OAS2: variants seen among roughly 807,000 people sequenced by gnomAD.
OAS2 encodes the protein 2'-5'-oligoadenylate synthetase 2, also known as 2'-5'-oligoadenylate synthase 2.
A neutral mutation model predicts 71.3 loss-of-function variants in OAS2; 67 were observed. That is an observed-to-expected ratio of 0.94 (90% CI 0.77 to 1.15). OAS2 has a LOEUF of 1.15. OAS2 is among the 50% of genes most tolerant of loss of function. The pLI, the probability that OAS2 is intolerant of heterozygous loss-of-function variation, is 0.00. For synonymous variants in OAS2, 327 were observed against 321.8 expected, an observed-to-expected ratio of 1.02 and a Z score of -0.17; for missense variants, 789 against 822.5, an observed-to-expected ratio of 0.96 and a Z score of 0.50.
chr12:112,978,675 T>C lies in OAS2; in HGVS notation c.67T>C (p.Tyr23His). Residue 23 changes from tyrosine to histidine, a missense_variant, in exon 1 of 10, where the codon TAC (tyrosine) becomes CAC (histidine). By Grantham distance (83) the Tyr-to-His change is moderately conservative. Transcript: ENST00000392583. This position sits in a 1 kb window ranked among gnomAD's most constrained non-coding sequence, Gnocchi z 4.2. ...AQKLGWFIQE[Y>H]LKPYEECQTL... ...GAAGCTGGGTTGGTTTATCCAGGAA[T>C]ACCTGAAGCCCTACGAAGAATGTCA... is the stretch of plus-strand genomic sequence containing the variant. 6.2e-7 allele frequency: 1 copy of C among 1,614,138 alleles called. No individual in the cohort carries two copies.
chr12:112,987,025 T>C lies in OAS2; in HGVS notation c.178-13T>C, dbSNP rs2044143503. 2 of 1,598,676 alleles carry C rather than the reference T, an allele frequency of 1.3e-6. No individual in the cohort carries two copies. The highest frequency in any genetic ancestry group is 1.7e-6 in the Non-Finnish European group (2 of 1,170,200). On this transcript the variant is annotated splice_polypyrimidine_tract_variant and intron_variant, in intron 1 of 9. Transcript: ENST00000392583. ...AATCTAGTGTCTCATATCTGCTTCT[T>C]TGTCACTGGCAGGGTGGCTCCTATG...
Position 112,997,557 on chromosome 12 carries a change from C to A in OAS2, c.665C>A (p.Pro222Gln), listed in dbSNP as rs141277168. The A allele has an allele frequency of 6.2e-7, 1 of 1,614,068 alleles. No individual in the cohort carries two copies. Among genetic ancestry groups the A allele is most frequent in the East Asian group, 2.2e-5 (1 of 44,884 alleles). ...ATCAAGGATTTACCCTCGCTGTCTC[C>A]GTATGCCCTGGAGCTGCTTACGGTG... ...KKIKDLPSLS[P>Q]YALELLTVYA... Residue 222 changes from proline (P) to glutamine (Q), a missense_variant, in exon 4 of 10, where the codon CCG (proline) becomes CAG (glutamine). By Grantham distance (76) the Pro-to-Gln change is moderately conservative. Transcript: ENST00000392583.
rs780230032 is a variant in OAS2 at position 112,987,199 on chromosome 12, G to A, written c.339G>A (p.Trp113Ter). The change falls in exon 2 of 10, where the codon TGG becomes TGA. Residue 113 changes from tryptophan (W) to a stop codon, truncating the protein, a stop_gained. Transcript: ENST00000392583. LOFTEE classifies it high-confidence loss of function. ...TGAAGTTCTGTCTGTTCACGAAGTG[G>A]TTGAAAAACAATTTCGAGATCCAGA... The part of the protein sequence containing the change: ...DKLKFCLFTK[W>*]LKNNFEIQKS... 9.9e-6 allele frequency: 16 copies of A among 1,614,210 alleles called. 1 individual carries two copies. The South Asian group carries it at 1.6e-4, about 17-fold the overall frequency.
At chr12:112,995,532 T>C in intron 3 of OAS2, 58 bp downstream of exon 3, 1 of 1,492,616 alleles carries the variant, frequency 6.7e-7, no homozygotes, top group South Asian at 1.2e-5. Flanking sequence ...TCGAGATAAT[T>C]GACATCCAGT....
intron 2 of OAS2, among the ~76,000 whole-genome samples, chr12:112,994,843 C>G (rs1565993476): frequency 6.6e-6 from 1 of 152,188 alleles, no homozygotes; most frequent in African/African-American, 2.4e-5. Context: ...CCTCAAAGTC[C>G]CTGTACCCTG....
At chr12:113,008,585 T>G (rs2044354400) in intron 9 of OAS2, among the ~76,000 whole-genome samples, 1 of 152,204 alleles carries the variant, frequency 6.6e-6, no homozygotes, top group Non-Finnish European at 1.5e-5. Flanking sequence ...AAAACGCTTT[T>G]GGCAAATACA....
At chr12:112,983,277 G>A (rs892218262) in intron 1 of OAS2, among the ~76,000 whole-genome samples, 4 of 152,116 alleles carry the variant, frequency 2.6e-5, no homozygotes, top group Admixed American at 6.5e-5. Flanking sequence ...CCAAGCTGGA[G>A]TGCAATGACG....
rs184801124 is a variant in OAS2 at position 112,981,208 on chromosome 12, C to A, written c.177+2423C>A. Among the ~76,000 whole-genome samples, 457 of 152,240 alleles carry A rather than the reference C, an allele frequency of 3.0e-3. 1 individual carries two copies. Among genetic ancestry groups the A allele is most frequent in the African/African-American group, 0.01 (434 of 41,536 alleles). On this transcript the variant is annotated intron_variant, in intron 1 of 9. Transcript: ENST00000392583. ...GATTGTTCCCTTTGATGTGCAGAAG[C>A]TTTTTCATTTAATATAGTCCCAATT...
At chr12:112,995,275 C>T (rs774888937) in intron 2 of OAS2, 21 bp from the exon 3 acceptor site, 7 of 1,588,656 alleles carry the variant, frequency 4.4e-6, no homozygotes, top group South Asian at 1.1e-5. Context: ...TAACAACGTT[C>T]CAATTTCTGT....
rs1201943154 is a variant in OAS2, at chr12:113,003,065, G to T, written c.1142G>T (p.Cys381Phe). The part of the protein sequence containing the change: ...NIIRTFLKEN[C>F]FRQSTAKIQI... ...ATCCGTACATTCCTTAAAGAAAACT[G>T]CTTCCGACAATCAACAGCCAAGATC... Residue 381 changes from cysteine to phenylalanine, a missense_variant, in exon 6 of 10, where the codon TGC becomes TTC. Cys to Phe is a radical substitution (Grantham distance 205). Coordinates refer to ENST00000392583, the MANE Select transcript of OAS2 (RefSeq NM_002535.3). The T allele has an allele frequency of 6.2e-7, 1 of 1,614,162 alleles. No homozygotes were observed. The highest frequency in any genetic ancestry group is 1.1e-5 in the South Asian group (1 of 91,072).
At chr12:112,983,585 CT>C (rs1360933150) in intron 1 of OAS2, among the ~76,000 whole-genome samples, 2 of 152,116 alleles carry the variant, frequency 1.3e-5, no homozygotes, top group African/African-American at 2.4e-5. Flanking sequence ...AATTGTTCTA[CT>C]TTTTTTGATG....
At chr12:113,008,923 C>T (rs557359814) in intron 9 of OAS2, among the ~76,000 whole-genome samples, 164 bp from the exon 10 acceptor site, 7 of 152,278 alleles carry the variant, frequency 4.6e-5, no homozygotes, top group Non-Finnish European at 7.4e-5. Flanking sequence ...CCACTGCACG[C>T]GGCCTCTAGA....
chr12:113,010,767 C>A lies in OAS2; in HGVS notation c.*1512C>A. The A allele has an allele frequency of 4.4e-6, 1 of 228,050 alleles. No individual in the cohort carries two copies. Among genetic ancestry groups the A allele is most frequent in the Non-Finnish European group, 8.5e-6 (1 of 117,568 alleles). 14.1% of individuals were successfully genotyped at this position (228,050 alleles called of 1,614,324 possible). ...TTTTCCAATTAGCTCCTCCTTTTTC[C>A]TTCCAGTCTAAAAAAGGAATCCTCT... On this transcript the variant is annotated 3_prime_UTR_variant, in exon 10 of 10. Transcript: ENST00000392583.
chr12:112,991,058 G>T (rs2136382382), intron 2 of OAS2, among the ~76,000 whole-genome samples: 1 of 152,290 alleles, frequency 6.6e-6, no homozygotes, highest in South Asian at 2.1e-4. Context: ...TACCTCTCCA[G>T]CTGTACCACT....
intron 1 of OAS2, among the ~76,000 whole-genome samples, chr12:112,981,468 G>A (rs1161077107): frequency 6.6e-6 from 1 of 152,062 alleles, no homozygotes; most frequent in East Asian, 1.9e-4. Context: ...ATTTATTGAA[G>A]AGAGTATCCT....
chr12:113,002,846 G>A (rs1259594373), intron 5 of OAS2, 86 bp from the exon 6 acceptor site: 2 of 1,239,780 alleles, frequency 1.6e-6, no homozygotes, highest in African/African-American at 1.5e-5. Context: ...GAGAGGCAGG[G>A]TAGGGGGCCC....
At chr12:113,001,485 C>T (rs1420015745) in intron 5 of OAS2, among the ~76,000 whole-genome samples, 1 of 145,604 alleles carries the variant, frequency 6.9e-6, no homozygotes, top group Admixed American at 6.9e-5. Flanking sequence ...CACATATATA[C>T]ACATATATAT....
In OAS2 at chr12:113,009,445, A is replaced by G; in HGVS notation, c.*190A>G. 1.4e-6 allele frequency: 2 copies of G among 1,415,856 alleles called. No individual in the cohort carries two copies. Among genetic ancestry groups the G allele is most frequent in the South Asian group, 3.0e-5 (2 of 65,700 alleles). 87.7% of individuals were successfully genotyped at this position (1,415,856 alleles called of 1,614,324 possible). The stretch of plus-strand genomic sequence containing the variant: ...AGGTAACCCCAGATTCATGCACTGT[A>G]GGGTGCTGCGCAGCATCCCTAGTCT... On this transcript the variant is annotated 3_prime_UTR_variant, in exon 10 of 10. Coordinates refer to ENST00000392583, the MANE Select transcript of OAS2 (RefSeq NM_002535.3).
chr12:113,002,868 G>A (rs2044301483), intron 5 of OAS2, 64 bp from the exon 6 acceptor site: 1 of 1,512,484 alleles, frequency 6.6e-7, no homozygotes, highest in Non-Finnish European at 9.1e-7. Context: ...GTACAGGCAG[G>A]AAAAGAAGCC....
Sources: allele counts gnomAD v4.1 joint callset (sites outside exome capture counted in the v4.1 genomes callset), GRCh38; gene constraint gnomAD v4.1.1; non-coding constraint Gnocchi (gnomAD v3.1); transcripts MANE v1.5; gene names NCBI Gene and HGNC (gene_info 2026-07-23, HGNC 2026-07-21).